The following LRP1B variants were observed in gnomAD, a reference collection of about 807,000 sequenced individuals.
LRP1B encodes LDL receptor related protein 1B, also known as low-density lipoprotein receptor-related protein 1B.
Under a neutral mutation model 556.6 loss-of-function variants are expected in LRP1B, and 217 were observed. That is an observed-to-expected ratio of 0.39 (90% confidence interval 0.35 to 0.44). The LOEUF (loss-of-function observed/expected upper bound fraction) is 0.44. Ranked by LOEUF, LRP1B falls within the 20% of genes least tolerant of loss-of-function variation. LRP1B has a pLI of 1.00. For synonymous variants in LRP1B, 2,047 were observed against 1,865.8 expected (o/e 1.10, Z -2.50); for missense variants, 5,053 against 5,620.8 (o/e 0.90, Z 3.23).
rs535964690 is a variant in LRP1B, at chr2:140,458,186, A to G, written c.9626-535T>C. 2.0e-4 allele frequency among the ~76,000 whole-genome samples: 31 copies of G among 152,252 alleles called. 1 individual carries two copies. In the South Asian group the frequency reaches 6.4e-3, roughly 32 times the overall value. ...GAAACTACTATAAACCTTTTCAGCC[A>G]CTGAGATTTTATGAGCACTTTTACT... is the stretch of plus-strand genomic sequence containing the variant. On this transcript the variant is annotated intron_variant, in intron 60 of 90. Transcript: ENST00000389484.
At chr2:140,813,846 C>T (rs1048950883) in intron 31 of LRP1B, 40 bp from the exon 32 acceptor site, 3 of 1,468,636 alleles carry the variant, frequency 2.0e-6, no homozygotes, top group Non-Finnish European at 2.8e-6. Flanking sequence ...ATGATAGCCA[C>T]TTAAATTGTA....
rs543838295 is a variant in LRP1B, at chr2:141,639,812, A to AT, written c.206-159280dup. On this transcript the variant is annotated intron_variant, in intron 2 of 90. Coordinates refer to ENST00000389484, the MANE Select transcript of LRP1B (RefSeq NM_018557.3). ...AACAGTAAAATTCTTAAGAGGCAGG[A>AT]TTTTTTTTACACATGTGTTTTACGA... is the stretch of plus-strand genomic sequence containing the variant. Among the ~76,000 whole-genome samples the AT allele has an allele frequency of 3.7e-3, 568 of 152,000 alleles. 5 individuals carry two copies. The highest frequency in any genetic ancestry group is 0.013 in the African/African-American group (540 of 41,462).
chr2:140,527,375 A>G (rs1239744341), intron 47 of LRP1B, among the ~76,000 whole-genome samples: 1 of 151,968 alleles, frequency 6.6e-6, no homozygotes, highest in Non-Finnish European at 1.5e-5. Flanking sequence ...TTGATATTTT[A>G]AAGAGCCTAT....
In LRP1B at chr2:140,297,962, G is replaced by C; in HGVS notation, c.12813C>G (p.Pro4271=). The C allele has an allele frequency of 6.2e-7, 1 of 1,604,552 alleles. No homozygotes were observed. The highest frequency in any genetic ancestry group is 8.5e-7 in the Non-Finnish European group (1 of 1,173,412). Reference sequence around the variant, plus strand: ...TGAAACCCAGTGCACAGCTGCAGGTGGGTCTCCCTATTGGAAACAATAAGT... The same window carrying C: ...TGAAACCCAGTGCACAGCTGCAGGTCGGTCTCCCTATTGGAAACAATAAGT... The part of the protein sequence containing the change: ...GTCVPSVLGR[P]TCSCALGFTG... Residue 4271 remains proline, a synonymous_variant, in exon 84 of 91, where the codon CCC becomes CCG. Coordinates refer to ENST00000389484, the MANE Select transcript of LRP1B (RefSeq NM_018557.3).
intron 6 of LRP1B, among the ~76,000 whole-genome samples, chr2:141,202,046 C>A (rs542870912): frequency 2.0e-5 from 3 of 150,786 alleles, no homozygotes; most frequent in Admixed American, 2.0e-4. Context: ...GTTTGCCACA[C>A]AGATCATTCC....
At chr2:142,091,762 T>G (rs771622636) in intron 1 of LRP1B, among the ~76,000 whole-genome samples, 1 of 152,190 alleles carries the variant, frequency 6.6e-6, no homozygotes, top group Non-Finnish European at 1.5e-5. Context: ...AAGAAAGTCA[T>G]GACTAGCATA....
At position 141,310,663 on chromosome 2, in the gene LRP1B, A is replaced by C. The variant is rs552029627; in HGVS notation, c.344-56022T>G. Among the ~76,000 whole-genome samples the C allele has an allele frequency of 5.9e-5, 9 of 152,294 alleles. No homozygotes were observed. The East Asian group carries it at 1.7e-3, about 29-fold the overall frequency. ...CACGGACACACACAAAGAAGACTGAAGGAAGAATAAAGAATAGGCTTTTAA... is the reference window on the plus strand; with the variant it reads ...CACGGACACACACAAAGAAGACTGACGGAAGAATAAAGAATAGGCTTTTAA... On this transcript the variant is annotated intron_variant, in intron 3 of 90. Coordinates refer to ENST00000389484, the MANE Select transcript of LRP1B (RefSeq NM_018557.3).
At chr2:140,672,005 T>G (rs1298072495) in intron 41 of LRP1B, among the ~76,000 whole-genome samples, 1 of 152,230 alleles carries the variant, frequency 6.6e-6, no homozygotes, top group Non-Finnish European at 1.5e-5. Context: ...CAAAAGTCTG[T>G]AATTTCATCA....
chr2:140,807,603 G>C lies in LRP1B; in HGVS notation c.5359+6054C>G, dbSNP rs191033690. Among the ~76,000 whole-genome samples the C allele has an allele frequency of 2.0e-4, 30 of 149,256 alleles. No homozygotes were observed. The South Asian group carries it at 4.5e-3, about 22-fold the overall frequency. ...CCTGATCTCGTGATCCACCTGCCTC[G>C]AGCTCACAAAGTGCTGGGATTACAG... On this transcript the variant is annotated intron_variant, in intron 32 of 90. Coordinates refer to ENST00000389484, the MANE Select transcript of LRP1B (RefSeq NM_018557.3).
At chr2:140,849,393 A>G (rs1458913807) in intron 29 of LRP1B, among the ~76,000 whole-genome samples, 2 of 68,474 alleles carry the variant, frequency 2.9e-5, no homozygotes, top group African/African-American at 8.5e-5. Context: ...AAAAAACAAA[A>G]AACAAAAAAC....
intron 6 of LRP1B, among the ~76,000 whole-genome samples, chr2:141,192,881 A>G (rs1681580195): frequency 6.6e-6 from 1 of 152,070 alleles, no homozygotes; most frequent in Admixed American, 6.6e-5. Context: ...TATTTGTTAG[A>G]TTTAAAAACT....
rs148530057 is a variant in LRP1B at position 141,759,917 on chromosome 2, G to C, written c.205+50362C>G. 8.0e-4 allele frequency among the ~76,000 whole-genome samples: 122 copies of C among 152,246 alleles called. No homozygotes were observed. In the East Asian group the frequency reaches 0.022, roughly 27 times the overall value. ...AGGCCGAGGCGGGTAGATCACCTGA[G>C]GTCAGGAGTTTGAGAGCAGCCTGGC... On this transcript the variant is annotated intron_variant, in intron 2 of 90. Transcript: ENST00000389484.
intron 66 of LRP1B, among the ~76,000 whole-genome samples, chr2:140,430,913 G>T (rs1685907279): frequency 6.6e-6 from 1 of 152,074 alleles, no homozygotes; most frequent in Non-Finnish European, 1.5e-5. Context: ...CCCAGGCCTG[G>T]CAAATTGACT....
At chr2:140,291,318 A>ATATATATATATTTTTTTTT (rs369391920) in intron 84 of LRP1B, among the ~76,000 whole-genome samples, 3 of 109,322 alleles carry the variant, frequency 2.7e-5, no homozygotes, top group East Asian at 2.7e-4. Context: ...ATATATATAT[A>ATATATATATATTTTTTTTT]TTTTTATTAT....
chr2:141,237,857 C>T (rs935305030), intron 5 of LRP1B, among the ~76,000 whole-genome samples: 2 of 152,134 alleles, frequency 1.3e-5, no homozygotes, highest in Admixed American at 1.3e-4. Flanking sequence ...GGCATTTCCC[C>T]TGTTATCTGA....
chr2:141,297,095 G>T (rs1402620951), intron 3 of LRP1B, among the ~76,000 whole-genome samples: 1 of 152,038 alleles, frequency 6.6e-6, no homozygotes, highest in African/African-American at 2.4e-5. Flanking sequence ...ATTTTCTTAT[G>T]CAGTCCACTG....
intron 2 of LRP1B, among the ~76,000 whole-genome samples, chr2:141,560,450 G>A (rs561682127): frequency 7.9e-5 from 12 of 151,718 alleles, no homozygotes; most frequent in Admixed American, 4.0e-4. Context: ...TCCTGTAGAC[G>A]TTGCATTTTA....
chr2:141,798,708 A>C (rs1372620629), intron 2 of LRP1B, among the ~76,000 whole-genome samples: 1 of 103,372 alleles, frequency 9.7e-6, no homozygotes, highest in Non-Finnish European at 2.2e-5. Context: ...TCTGTCTCAA[A>C]AAAAAAAAAA....
chr2:141,675,312 G>A (rs996343037), intron 2 of LRP1B, among the ~76,000 whole-genome samples: 1 of 151,700 alleles, frequency 6.6e-6, no homozygotes, highest in African/African-American at 2.4e-5. Context: ...GCTTTAGAGA[G>A]TTTTCTTTTT....
Sources: allele counts gnomAD v4.1 joint callset (sites outside exome capture counted in the v4.1 genomes callset), GRCh38; gene constraint gnomAD v4.1.1; transcripts MANE v1.5; gene names NCBI Gene and HGNC (gene_info 2026-07-23, HGNC 2026-07-21).